The following F5 variants were observed in gnomAD, a reference collection of about 807,000 sequenced individuals.
The protein encoded by F5 is activated protein c cofactor.
Under a neutral mutation model 216.4 loss-of-function variants are expected in F5, and 138 were observed. That is an observed-to-expected ratio of 0.64 (90% CI 0.56 to 0.73). The LOEUF (loss-of-function observed/expected upper bound fraction) is 0.73, where lower values mean the gene tolerates loss of function less well. Among genes scored for constraint, F5 ranks in the 30% least tolerant of loss-of-function variants. The probability of loss-of-function intolerance (pLI) is 0.00; values close to 1 mark genes in which losing one functional copy is unlikely to be tolerated. For missense variants in F5, 2,403 were observed against 2,674.0 expected (o/e 0.90, Z 2.24); for synonymous variants, 916 against 930.7 (o/e 0.98, Z 0.29).
At position 169,541,554 on chromosome 1, in the gene F5, T is replaced by C. The variant is rs201388299; in HGVS notation, c.3536A>G (p.His1179Arg). The C allele has an allele frequency of 1.8e-5, 29 of 1,614,068 alleles. No homozygotes were observed. The African/African-American group carries it at 3.5e-4, about 19-fold the overall frequency. ...AGAGATGACTGTCTGCCAGACTTCA[T>C]GTTCTGAGGAAGGGGACATTTGACT... ...DISQMSPSSE[H>R]EVWQTVISPD... The change falls in exon 13 of 25, where the codon CAT becomes CGT. Residue 1179 changes from histidine to arginine, a missense_variant. By Grantham distance (29) the His-to-Arg change is conservative (BLOSUM62 0). Transcript: ENST00000367797.
Position 169,556,661 on chromosome 1 carries a change from G to C in F5, c.937C>G (p.Pro313Ala), listed in dbSNP as rs751005086. ...EGKWIISSLT[P>A]KHLQAGMQAY... is the part of the protein sequence containing the mutation. ...AGTTTCTTGCCTTGCAAATGTTTTGGGGTGAGAGAAGATATGATCCACTTT... is the reference window on the plus strand; with the variant it reads ...AGTTTCTTGCCTTGCAAATGTTTTGCGGTGAGAGAAGATATGATCCACTTT... The change falls in exon 6 of 25, where the codon CCA becomes GCA. Residue 313 changes from proline (P) to alanine (A), a missense_variant. Around this residue, in one of 4 missense-constraint regions of F5, gnomAD observed 1,425 missense variants for 1,554.8 expected, o/e 0.92. Transcript: ENST00000367797. The C allele has an allele frequency of 8.7e-6, 14 of 1,613,870 alleles. No individual in the cohort carries two copies. The Admixed American group carries it at 1.3e-4, about 15-fold the overall frequency.
At chr1:169,566,786 C>G (rs1178516929) in intron 3 of F5, among the ~76,000 whole-genome samples, 1 of 152,008 alleles carries the variant, frequency 6.6e-6, no homozygotes, top group East Asian at 1.9e-4. Context: ...TGTAAAATTT[C>G]TGGCTCCTAA....
At chr1:169,524,758 T>C (rs1382601845) in intron 19 of F5, 79 bp downstream of exon 19, 2 of 1,161,920 alleles carry the variant, frequency 1.7e-6, no homozygotes, top group Non-Finnish European at 2.6e-6. Context: ...ATAGATAGGA[T>C]TGTCATGTAT....
rs534748300 is a variant in F5, at chr1:169,514,164, G to C, written c.*149C>G. 1.5e-4 allele frequency: 118 copies of C among 764,942 alleles called. No homozygotes were observed. In the East Asian group the frequency reaches 2.9e-3, roughly 19 times the overall value. 47.4% of individuals were successfully genotyped at this position (764,942 alleles called of 1,614,324 possible). A position where few individuals can be genotyped will look rare whatever the true frequency, so the allele number is the denominator to read the frequency against. ...GGTAGCAAGGAGTTACATTATAAAA[G>C]CTTCTTGTATAAAATTTTATTCACT... is the stretch of plus-strand genomic sequence containing the variant. On this transcript the variant is annotated 3_prime_UTR_variant, in exon 25 of 25. Coordinates refer to ENST00000367797, the MANE Select transcript of F5 (RefSeq NM_000130.5).
intron 10 of F5, among the ~76,000 whole-genome samples, chr1:169,548,366 GA>G (rs1165556607): frequency 6.6e-6 from 1 of 150,862 alleles, no homozygotes; most frequent in African/African-American, 2.4e-5. Context: ...AAAAAAAAAA[GA>G]AAAAAAAGTG....
chr1:169,531,003 G>A lies in F5; in HGVS notation c.4991C>T (p.Ala1664Val). The A allele has an allele frequency of 6.2e-7, 1 of 1,613,014 alleles. No homozygotes were observed. The highest frequency in any genetic ancestry group is 8.5e-7 in the Non-Finnish European group (1 of 1,179,662). Residue 1664 changes from alanine (A) to valine (V), a missense_variant, in exon 15 of 25, where the codon GCA becomes GTA. Ala to Val is a moderately conservative substitution (Grantham distance 64). This residue lies in a region of F5 where 659 missense variants were observed against 787.9 expected (regional missense o/e 0.84). Coordinates refer to ENST00000367797, the MANE Select transcript of F5 (RefSeq NM_000130.5). The stretch of plus-strand genomic sequence containing the variant: ...GGCATGTAGAGAATACGGTCTGGAT[G>A]CTAAATTTTTAAAACGAACCTAGGA... ...DVIQVRFKNL[A>V]SRPYSLHAHG...
At chr1:169,554,992 AT>A (rs1375164616) in intron 7 of F5, among the ~76,000 whole-genome samples, 189 bp downstream of exon 7, 3 of 152,174 alleles carry the variant, frequency 2.0e-5, no homozygotes, top group Non-Finnish European at 4.4e-5. Context: ...TGTCATTTTT[AT>A]TATTATTAGG....
In F5 at chr1:169,514,241, A is replaced by G; in HGVS notation, c.*72T>C. 1.4e-6 allele frequency: 2 copies of G among 1,451,072 alleles called. No individual in the cohort carries two copies. Among genetic ancestry groups the G allele is most frequent in the African/African-American group, 1.4e-5 (1 of 71,700 alleles). The allele number at this position is 1,451,072 out of a possible 1,614,324, so 89.9% of individuals were successfully genotyped here. A position where few individuals can be genotyped will look rare whatever the true frequency, so the allele number is the denominator to read the frequency against. ...AAACTGTTAACATTTAACACAGCGT[A>G]AAATACATTGCCCATTCTAAATGGT... is the stretch of plus-strand genomic sequence containing the variant. On this transcript the variant is annotated 3_prime_UTR_variant, in exon 25 of 25. Transcript: ENST00000367797.
intron 24 of F5, among the ~76,000 whole-genome samples, 191 bp downstream of exon 24, chr1:169,515,253 G>A (rs939925728): frequency 6.6e-6 from 1 of 152,068 alleles, no homozygotes; most frequent in Non-Finnish European, 1.5e-5. Flanking sequence ...GCAACCTGGT[G>A]TAGTGAGAAA....
intron 3 of F5, among the ~76,000 whole-genome samples, chr1:169,570,211 G>A (rs1001906731): frequency 3.3e-5 from 5 of 152,070 alleles, no homozygotes; most frequent in Admixed American, 6.6e-5. Context: ...CTGGCTGTAG[G>A]GAATGTAGGG....
chr1:169,543,187 T>A, intron 12 of F5, 73 bp from the exon 13 acceptor site: 1 of 1,415,286 alleles, frequency 7.1e-7, no homozygotes. Context: ...TAATCCATTG[T>A]GGCAGGTAAT....
At chr1:169,556,411 A>G (rs1195726811) in intron 6 of F5, among the ~76,000 whole-genome samples, 1 of 105,348 alleles carries the variant, frequency 9.5e-6, no homozygotes, top group Admixed American at 1.1e-4. Context: ...AGATCTCTTT[A>G]GCTTTTGCTT....
At chr1:169,557,988 A>G (rs1981491) in intron 5 of F5, among the ~76,000 whole-genome samples, 90,788 of 151,972 alleles carry the variant, frequency 0.6, 28,553 homozygotes, top group East Asian at 0.87. Flanking sequence ...TTTACCCCCA[A>G]TTATTCTTTT....
chr1:169,557,875 T>C (rs1660369491), intron 5 of F5, among the ~76,000 whole-genome samples: 1 of 152,158 alleles, frequency 6.6e-6, no homozygotes, highest in African/African-American at 2.4e-5. Flanking sequence ...TGTGTTAGCA[T>C]TTATCATATG....
At chr1:169,522,730 G>A (rs1659339328) in intron 21 of F5, among the ~76,000 whole-genome samples, 1 of 152,072 alleles carries the variant, frequency 6.6e-6, no homozygotes, top group African/African-American at 2.4e-5. Context: ...CCTCAGGCAT[G>A]GCCCCCCAAA....
In F5 at chr1:169,540,948, T is replaced by C. The variant is rs760847875; in HGVS notation, c.4142A>G (p.Gln1381Arg). ...ACTGAGGTCTGGGGAAAGGTTTGTC[T>C]GACTGAGTTCTGGAGAGAGGTTTGT... ...SQTNLSPELS[Q>R]TNLSPDLSEM... Residue 1381 changes from glutamine to arginine, a missense_variant, in exon 13 of 25, where the codon CAG becomes CGG. Transcript: ENST00000367797. The C allele has an allele frequency of 1.9e-6, 3 of 1,611,744 alleles. No homozygotes were observed. Among genetic ancestry groups the C allele is most frequent in the Middle Eastern group, 1.7e-4 (1 of 6,052 alleles).
At chr1:169,526,769 T>C (rs1659462396) in intron 17 of F5, among the ~76,000 whole-genome samples, 1 of 152,088 alleles carries the variant, frequency 6.6e-6, no homozygotes, top group South Asian at 2.1e-4. Flanking sequence ...TGCAGGCTGA[T>C]AGGAAGGATG....
At chr1:169,567,761 T>C (rs916048183) in intron 3 of F5, among the ~76,000 whole-genome samples, 61 of 152,042 alleles carry the variant, frequency 4.0e-4, no homozygotes, top group African/African-American at 1.4e-3. Context: ...AGAGTACAAA[T>C]GTAAAGAAGA....
chr1:169,537,368 C>CT (rs1365357408), intron 13 of F5, among the ~76,000 whole-genome samples: 1 of 152,156 alleles, frequency 6.6e-6, no homozygotes, highest in Non-Finnish European at 1.5e-5. Context: ...AGTAGCCACT[C>CT]TTCTCACATT....
Sources: gnomAD v4.1 joint callset for allele counts (sites outside exome capture counted in the v4.1 genomes callset) on GRCh38, gnomAD v4.1.1 for gene constraint, gnomAD v4.1.1 regional missense constraint, MANE v1.5 for transcripts, NCBI Gene and HGNC (gene_info 2026-07-23, HGNC 2026-07-21) for gene names.